Variants in YWHAZ observed in about 807,000 individuals in gnomAD.
YWHAZ encodes the protein 14-3-3 protein zeta/delta.
For synonymous variants in YWHAZ, 87 were observed against 103.6 expected (o/e 0.84, Z 0.97); for missense variants, 79 against 284.8 (o/e 0.28, Z 5.20).
At chr8:100,934,658 C>T (rs1295842868) in intron 2 of YWHAZ, among the ~76,000 whole-genome samples, 1 of 152,002 alleles carries the variant, frequency 6.6e-6, no homozygotes, top group African/African-American at 2.4e-5. Context: ...TGCACTCCAA[C>T]CTGGGCGATA....
rs529775608 is a variant in YWHAZ, at chr8:100,930,497, T to A, written c.295-5458A>T. ...AAGTTTTTAAACCAAATCTAAATGG[T>A]TTTGAGGTCAAACAAAATTCAAGCA... On this transcript the variant is annotated intron_variant, in intron 2 of 5. Transcript: ENST00000395958. Among the ~76,000 whole-genome samples the A allele has an allele frequency of 8.5e-5, 13 of 152,358 alleles. No individual in the cohort carries two copies. In the South Asian group the frequency reaches 1.9e-3, roughly 22 times the overall value.
chr8:100,930,387 G>A lies in YWHAZ; in HGVS notation c.295-5348C>T, dbSNP rs547038196. ...GCTGGGATTACAGGTGTGAGCCACC[G>A]CGCCCAGCCAACTCCAACTGTAAAA... On this transcript the variant is annotated intron_variant, in intron 2 of 5. Transcript: ENST00000395958. 4.8e-4 allele frequency among the ~76,000 whole-genome samples: 73 copies of A among 152,230 alleles called. No individual in the cohort carries two copies. In the South Asian group the frequency reaches 7.9e-3, roughly 16 times the overall value.
intron 2 of YWHAZ, among the ~76,000 whole-genome samples, chr8:100,944,078 G>A (rs1372519021): frequency 6.6e-6 from 1 of 151,568 alleles, no homozygotes; most frequent in Admixed American, 6.6e-5. Context: ...TTTATACTTT[G>A]AAACATACCA....
At chr8:100,926,601 A>G (rs769290905) in intron 2 of YWHAZ, among the ~76,000 whole-genome samples, 1 of 152,232 alleles carries the variant, frequency 6.6e-6, no homozygotes, top group African/African-American at 2.4e-5. Context: ...CCTGGATGAC[A>G]GAGCAAGACT....
rs1173084235 is a variant in YWHAZ, at chr8:100,951,951, C to T, written c.-34G>A. On this transcript the variant is annotated 5_prime_UTR_variant, in exon 1 of 6. Transcript: ENST00000395958. ...CACCTGTGTCCGGAGTGGGTGGTGGCGGCGGACGGACGGGCTCAGCAGTCT... is the reference window on the plus strand; with the variant it reads ...CACCTGTGTCCGGAGTGGGTGGTGGTGGCGGACGGACGGGCTCAGCAGTCT... 5 of 1,001,672 alleles carry T rather than the reference C, an allele frequency of 5.0e-6. No homozygotes were observed. Among genetic ancestry groups the T allele is most frequent in the Non-Finnish European group, 5.9e-6 (5 of 841,596 alleles). 62.0% of individuals were successfully genotyped at this position (1,001,672 alleles called of 1,614,324 possible).
chr8:100,947,496 C>CTT (rs1410101622), intron 2 of YWHAZ, among the ~76,000 whole-genome samples: 2 of 152,082 alleles, frequency 1.3e-5, no homozygotes, highest in Non-Finnish European at 2.9e-5. Context: ...AATCACTATT[C>CTT]TTTAAAAAGA....
intron 2 of YWHAZ, among the ~76,000 whole-genome samples, chr8:100,930,192 C>T (rs146306460): frequency 0.017 from 2,614 of 152,250 alleles, 85 homozygotes; most frequent in African/African-American, 0.059. Context: ...TCAGCCTCCC[C>T]GGTTCAAGTG....
chr8:100,925,157 G>A, intron 2 of YWHAZ, 118 bp from the exon 3 acceptor site: 1 of 1,075,654 alleles, frequency 9.3e-7, no homozygotes, highest in Admixed American at 2.9e-5. Context: ...CCCAGTCACT[G>A]TCAATACAAT....
At position 100,937,355 on chromosome 8, in the gene YWHAZ, CAAT is replaced by C. The variant is rs141316122; in HGVS notation, c.294+11238_294+11240del. 9.3e-3 allele frequency among the ~76,000 whole-genome samples: 1,406 copies of C among 150,748 alleles called. 21 individuals carry two copies. The highest frequency in any genetic ancestry group is 0.031 in the African/African-American group (1,285 of 40,986). ...ATTTAACACAGAAATGGTACAAAAA[CAAT>C]GATACATTTGTAAAGAAAAATATGT... On this transcript the variant is annotated intron_variant, in intron 2 of 5. Transcript: ENST00000395958.
intron 2 of YWHAZ, among the ~76,000 whole-genome samples, chr8:100,935,899 GA>G (rs1438651407): frequency 6.6e-6 from 1 of 152,068 alleles, no homozygotes; most frequent in Non-Finnish European, 1.5e-5. Flanking sequence ...CTAACATAAT[GA>G]ATTTCCCACC....
At position 100,922,999 on chromosome 8, in the gene YWHAZ, T is replaced by G. The variant is rs1179412421; in HGVS notation, c.678+956A>C. ...CCAAATTGTGCTAATAAAGTAATTT[T>G]AGGTTTAATAAACAAGTATACAATA... On this transcript the variant is annotated intron_variant, in intron 5 of 5. Coordinates refer to ENST00000395958, the MANE Select transcript of YWHAZ (RefSeq NM_145690.3). The surrounding 1 kb of genome is among the most constrained non-coding windows in gnomAD (Gnocchi z 4.1). 2 of 152,252 alleles carry G rather than the reference T, an allele frequency of 1.3e-5. No individual in the cohort carries two copies. Among genetic ancestry groups the G allele is most frequent in the African/African-American group, 2.4e-5 (1 of 41,470 alleles). The allele number at this position is 152,252 out of a possible 1,614,324, so 9.4% of individuals were successfully genotyped here.
intron 2 of YWHAZ, among the ~76,000 whole-genome samples, chr8:100,934,702 G>A (rs896228925): frequency 2.6e-5 from 4 of 152,028 alleles, no homozygotes; most frequent in Admixed American, 6.6e-5. Context: ...AAAAGAGTAA[G>A]GAGGTACCTG....
chr8:100,947,592 A>C (rs1235973455), intron 2 of YWHAZ, among the ~76,000 whole-genome samples: 1 of 152,254 alleles, frequency 6.6e-6, no homozygotes, highest in Non-Finnish European at 1.5e-5. Context: ...AAGAAATGAT[A>C]GTATCATCAC....
chr8:100,934,320 T>A (rs4734498), intron 2 of YWHAZ, among the ~76,000 whole-genome samples: 1 of 145,306 alleles, frequency 6.9e-6, no homozygotes, highest in Non-Finnish European at 1.5e-5. Context: ...AGGGAGACCC[T>A]ATCTTTTTTT....
chr8:100,936,544 G>A (rs561677326), intron 2 of YWHAZ, among the ~76,000 whole-genome samples: 4 of 152,216 alleles, frequency 2.6e-5, no homozygotes, highest in South Asian at 4.1e-4. Flanking sequence ...GGCCGGGCAC[G>A]GTGGCTCACT....
chr8:100,945,564 G>T (rs1370812391), intron 2 of YWHAZ, among the ~76,000 whole-genome samples: 1 of 151,784 alleles, frequency 6.6e-6, no homozygotes, highest in Admixed American at 6.6e-5. Flanking sequence ...AATTATAATT[G>T]ATTTTTTATC....
At chr8:100,925,577 A>C (rs1813304058) in intron 2 of YWHAZ, among the ~76,000 whole-genome samples, 1 of 152,228 alleles carries the variant, frequency 6.6e-6, no homozygotes, top group Non-Finnish European at 1.5e-5. Flanking sequence ...AGATAAAAAA[A>C]CCGTTCAAAA....
At chr8:100,943,134 A>T (rs982260646) in intron 2 of YWHAZ, among the ~76,000 whole-genome samples, 2 of 152,242 alleles carry the variant, frequency 1.3e-5, no homozygotes, top group Non-Finnish European at 2.9e-5. Flanking sequence ...AAAATTGGGT[A>T]GTTATAAAGA....
chr8:100,939,714 T>C (rs952955696), intron 2 of YWHAZ, among the ~76,000 whole-genome samples: 1 of 151,212 alleles, frequency 6.6e-6, no homozygotes, highest in African/African-American at 2.4e-5. Flanking sequence ...GAAATGTTGT[T>C]CCTAAAGATT....
Sources: allele counts gnomAD v4.1 joint callset (sites outside exome capture counted in the v4.1 genomes callset), GRCh38; gene constraint gnomAD v4.1.1; non-coding constraint Gnocchi (gnomAD v3.1); transcripts MANE v1.5; gene names NCBI Gene and HGNC (gene_info 2026-07-23, HGNC 2026-07-21).